DSCAM: variants seen among roughly 807,000 people sequenced by gnomAD.
The protein encoded by DSCAM is cell adhesion molecule DSCAM.
DSCAM carries 47 observed loss-of-function variants against 217.7 expected under a neutral mutation model. That is an observed-to-expected ratio of 0.22 (90% CI 0.17 to 0.28). The LOEUF (loss-of-function observed/expected upper bound fraction) is 0.28. DSCAM is among the 10% of genes least tolerant of loss of function. DSCAM has a pLI of 1.00. For missense variants in DSCAM, 2,080 were observed against 2,618.3 expected, an observed-to-expected ratio of 0.79 and a Z score of 4.49; for synonymous variants, 1,056 against 1,015.3, an observed-to-expected ratio of 1.04 and a Z score of -0.76.
chr21:40,580,143 G>A (rs1255919806), intron 3 of DSCAM, among the ~76,000 whole-genome samples: 3 of 150,842 alleles, frequency 2.0e-5, no homozygotes, highest in South Asian at 2.1e-4. Flanking sequence ...GTGCAGTGGC[G>A]CGATCTCGGC....
At chr21:40,470,304 G>T (rs1057059330) in intron 3 of DSCAM, among the ~76,000 whole-genome samples, 1 of 152,202 alleles carries the variant, frequency 6.6e-6, no homozygotes, top group Non-Finnish European at 1.5e-5. Context: ...GCAGGAAAAA[G>T]CTATGGAAAC....
At chr21:40,039,129 G>A (rs1301206729) in intron 32 of DSCAM, among the ~76,000 whole-genome samples, 1 of 151,802 alleles carries the variant, frequency 6.6e-6, no homozygotes, top group Non-Finnish European at 1.5e-5. Flanking sequence ...TAACTAACCT[G>A]CACAATATGC....
chr21:40,468,585 G>C (rs943013947), intron 3 of DSCAM, among the ~76,000 whole-genome samples: 2 of 152,092 alleles, frequency 1.3e-5, no homozygotes, highest in African/African-American at 4.8e-5. Flanking sequence ...GTGGGGCAAG[G>C]GCTGAACAAG....
At chr21:40,137,338 T>A (rs1335720701) in intron 18 of DSCAM, among the ~76,000 whole-genome samples, 1 of 151,942 alleles carries the variant, frequency 6.6e-6, no homozygotes, top group Admixed American at 6.6e-5. Flanking sequence ...AAATCCCAAT[T>A]TTAAGATTTC....
At chr21:40,277,095 G>C (rs568188715) in intron 10 of DSCAM, among the ~76,000 whole-genome samples, 1 of 152,224 alleles carries the variant, frequency 6.6e-6, no homozygotes, top group African/African-American at 2.4e-5. Context: ...AGTTGGGTGG[G>C]CTGGGAGAAT....
chr21:40,021,450 T>C (rs180673447), intron 32 of DSCAM, among the ~76,000 whole-genome samples: 1 of 152,140 alleles, frequency 6.6e-6, no homozygotes, highest in Admixed American at 6.5e-5. Flanking sequence ...CAAGGACCAC[T>C]GGCCCATCCA....
intron 3 of DSCAM, among the ~76,000 whole-genome samples, chr21:40,629,981 T>C (rs992837889): frequency 7.9e-5 from 12 of 152,198 alleles, no homozygotes; most frequent in African/African-American, 2.9e-4. Context: ...TTACAATTAC[T>C]ATTAAGTGCT....
chr21:40,042,356 G>T lies in DSCAM; in HGVS notation c.5686+15C>A. The T allele has an allele frequency of 6.2e-7, 1 of 1,610,506 alleles. No individual in the cohort carries two copies. The highest frequency in any genetic ancestry group is 1.1e-5 in the South Asian group (1 of 90,678). On this transcript the variant is annotated intron_variant, in intron 32 of 32. Transcript: ENST00000400454. ...TTCCCTAAGCGACGGCCCCCAGGTGGCCTTGCTCACCTACCTGGCCGATGT... is the reference window on the plus strand; with the variant it reads ...TTCCCTAAGCGACGGCCCCCAGGTGTCCTTGCTCACCTACCTGGCCGATGT...
chr21:40,258,457 G>A (rs2073404113), intron 11 of DSCAM, among the ~76,000 whole-genome samples: 1 of 152,194 alleles, frequency 6.6e-6, no homozygotes, highest in Non-Finnish European at 1.5e-5. Flanking sequence ...ATAAAATGGA[G>A]CTATGTGTAT....
intron 3 of DSCAM, among the ~76,000 whole-genome samples, chr21:40,677,127 G>A (rs553341639): frequency 1.1e-4 from 17 of 151,918 alleles, no homozygotes; most frequent in Non-Finnish European, 2.4e-4. Context: ...ACTTGATGAA[G>A]GCTTTTTATA....
At chr21:40,644,637 T>C (rs1002672200) in intron 3 of DSCAM, among the ~76,000 whole-genome samples, 4 of 152,222 alleles carry the variant, frequency 2.6e-5, no homozygotes, top group Non-Finnish European at 4.4e-5. Context: ...CAAATTCTTT[T>C]AGCTTAATAG....
intron 32 of DSCAM, among the ~76,000 whole-genome samples, chr21:40,039,763 G>C (rs978578057): frequency 1.3e-5 from 2 of 152,136 alleles, no homozygotes; most frequent in Non-Finnish European, 2.9e-5. Flanking sequence ...GTAACTTGAT[G>C]GCAATTTGCA....
chr21:40,201,124 G>A (rs1355810733), intron 11 of DSCAM, among the ~76,000 whole-genome samples: 1 of 151,906 alleles, frequency 6.6e-6, no homozygotes, highest in Non-Finnish European at 1.5e-5. Context: ...CATATTTGAT[G>A]CTAAGCTTGA....
chr21:40,527,448 G>A (rs538402481), intron 3 of DSCAM, among the ~76,000 whole-genome samples: 48 of 152,274 alleles, frequency 3.2e-4, no homozygotes, highest in Non-Finnish European at 3.7e-4. Context: ...ACCATGTGAG[G>A]TAGTCTAGGG....
intron 3 of DSCAM, among the ~76,000 whole-genome samples, chr21:40,664,109 G>A (rs1308245513): frequency 6.6e-6 from 1 of 152,136 alleles, no homozygotes; most frequent in Non-Finnish European, 1.5e-5. Context: ...TTCTTCCTAA[G>A]TGTCTCCCCT....
intron 20 of DSCAM, among the ~76,000 whole-genome samples, chr21:40,099,356 G>A: frequency 6.6e-6 from 1 of 152,202 alleles, no homozygotes; most frequent in East Asian, 1.9e-4. Context: ...AAGTAAAAAA[G>A]GTATATTCAT....
chr21:40,806,948 C>T lies in DSCAM; in HGVS notation c.43+39671G>A, dbSNP rs141516388. The stretch of plus-strand genomic sequence containing the variant: ...ACATGGGGAGGGGAACATCACACAC[C>T]GGGGCCTATCGGGGGTGAGGGGCTA... On this transcript the variant is annotated intron_variant, in intron 1 of 32. Transcript: ENST00000400454. Among the ~76,000 whole-genome samples, 461 of 151,692 alleles carry T rather than the reference C, an allele frequency of 3.0e-3. 3 individuals carry two copies. The highest frequency in any genetic ancestry group is 0.01 in the African/African-American group (431 of 41,350).
intron 9 of DSCAM, among the ~76,000 whole-genome samples, chr21:40,300,779 C>T (rs2074006646): frequency 6.6e-6 from 1 of 152,218 alleles, no homozygotes; most frequent in African/African-American, 2.4e-5. Flanking sequence ...TTAAACCACA[C>T]ATTGCTAAAC....
At chr21:40,396,169 T>C (rs2075176699) in intron 3 of DSCAM, among the ~76,000 whole-genome samples, 1 of 152,216 alleles carries the variant, frequency 6.6e-6, no homozygotes, top group African/African-American at 2.4e-5. Context: ...CTTGCTACTA[T>C]GTCTCACCAA....
Sources: gnomAD v4.1 joint callset for allele counts (sites outside exome capture counted in the v4.1 genomes callset) on GRCh38, gnomAD v4.1.1 for gene constraint, MANE v1.5 for transcripts, NCBI Gene and HGNC (gene_info 2026-07-23, HGNC 2026-07-21) for gene names.